TNRC6C: variants seen among roughly 807,000 people sequenced by gnomAD.
TNRC6C encodes trinucleotide repeat-containing gene 6C protein.
A neutral mutation model predicts 153.7 loss-of-function variants in TNRC6C; 20 were observed. The observed-to-expected ratio is 0.13, with a 90% confidence interval of 0.09 to 0.19. The LOEUF (loss-of-function observed/expected upper bound fraction) is 0.19. TNRC6C is among the 10% of genes least tolerant of loss of function. The pLI is 1.00. For synonymous variants in TNRC6C, 811 were observed against 841.4 expected, an observed-to-expected ratio of 0.96 and a Z score of 0.63; for missense variants, 1,987 against 2,172.0, an observed-to-expected ratio of 0.91 and a Z score of 1.69.
rs779525728 is a variant in TNRC6C, at chr17:78,075,281, A to G, written c.3060+3A>G. 6.3e-7 allele frequency: 1 copy of G among 1,582,614 alleles called. No individual in the cohort carries two copies. Among genetic ancestry groups the G allele is most frequent in the East Asian group, 2.3e-5 (1 of 43,380 alleles). On this transcript the variant is annotated splice_donor_region_variant and intron_variant, in intron 8 of 19. Coordinates refer to ENST00000301624, the Ensembl canonical transcript of TNRC6C. The surrounding 1 kb of genome is among the most constrained non-coding windows in gnomAD (Gnocchi z 4.2). ...ACCGCCCCACCTTTCTTGACAAGGT[A>G]TGAATATAGGTGGTTTGTTGTTTTT...
At chr17:77,980,719 G>A (rs993326788) in intron 1 of TNRC6C, among the ~76,000 whole-genome samples, 1 of 152,156 alleles carries the variant, frequency 6.6e-6, no homozygotes, top group African/African-American at 2.4e-5. Flanking sequence ...GCTTCAAGTT[G>A]GGATTCCCAC....
chr17:77,976,850 A>G (rs1190599213), intron 1 of TNRC6C, among the ~76,000 whole-genome samples: 1 of 146,206 alleles, frequency 6.8e-6, no homozygotes, highest in Non-Finnish European at 1.5e-5. Context: ...AATTGCTTGA[A>G]TCCAGGTGGT....
At chr17:77,982,780 G>A (rs374011236) in intron 1 of TNRC6C, among the ~76,000 whole-genome samples, 1 of 152,132 alleles carries the variant, frequency 6.6e-6, no homozygotes, top group African/African-American at 2.4e-5. Flanking sequence ...GCAGTGAGCC[G>A]AGATTGTGCC....
intron 3 of TNRC6C, among the ~76,000 whole-genome samples, chr17:78,058,924 C>A (rs1430704469): frequency 1.3e-5 from 2 of 152,154 alleles, no homozygotes; most frequent in Non-Finnish European, 2.9e-5. Context: ...AAATATAAAA[C>A]CAGAGGTTGT....
chr17:78,077,029 C>A, intron 8 of TNRC6C, 156 bp from the exon 11 acceptor site: 1 of 781,356 alleles, frequency 1.3e-6, no homozygotes, highest in Non-Finnish European at 1.9e-6. Context: ...TTTTTCCCCT[C>A]TTCCTTTTGC....
chr17:78,057,995 A>T (rs1190641591), intron 3 of TNRC6C, among the ~76,000 whole-genome samples: 1 of 152,194 alleles, frequency 6.6e-6, no homozygotes, highest in Non-Finnish European at 1.5e-5. Context: ...GTTCAGGTTC[A>T]TTCTGGAGAT....
At chr17:78,088,368 A>G (rs934745080) in intron 13 of TNRC6C, among the ~76,000 whole-genome samples, 1 of 151,840 alleles carries the variant, frequency 6.6e-6, no homozygotes, top group East Asian at 1.9e-4. Flanking sequence ...CAACTTGCCT[A>G]GCTGCTGTTT....
chr17:78,084,236 C>A (rs1002278108), intron 11 of TNRC6C, among the ~76,000 whole-genome samples: 1 of 149,202 alleles, frequency 6.7e-6, no homozygotes, highest in African/African-American at 2.5e-5. Flanking sequence ...GTGAGCCTCG[C>A]ACCTTTGCAC....
intron 7 of TNRC6C, among the ~76,000 whole-genome samples, chr17:78,073,674 A>G (rs1407049950): frequency 2.0e-5 from 3 of 152,258 alleles, no homozygotes; most frequent in Non-Finnish European, 2.9e-5. Flanking sequence ...CCTAGGAGAC[A>G]TACAGGGTTG....
intron 3 of TNRC6C, among the ~76,000 whole-genome samples, chr17:78,056,089 A>G (rs954101703): frequency 2.0e-5 from 3 of 151,728 alleles, no homozygotes; most frequent in African/African-American, 4.8e-5. Flanking sequence ...GCCTCAAGCC[A>G]TCCTCTCACT....
Position 78,049,725 on chromosome 17 carries a change from C to A in TNRC6C, c.663C>A (p.His221Gln), listed in dbSNP as rs141190761. Residue 221 changes from histidine (H) to glutamine (Q), a missense_variant, in exon 3 of 20, where the codon CAC (histidine) becomes CAA (glutamine). His to Gln is a conservative substitution (Grantham distance 24). This residue lies in a region of TNRC6C where 1,052 missense variants were observed against 1,017.0 expected (regional missense o/e 1.03). Transcript: ENST00000301624. The surrounding 1 kb of genome is among the most constrained non-coding windows in gnomAD (Gnocchi z 4.1). ...GTATGGGGGCCATCATCCCGCCCCA[C>A]CTGCAAGGCCTTCCTGGTGCTAATG... 1 of 1,595,096 alleles carries A rather than the reference C, an allele frequency of 6.3e-7. No homozygotes were observed. Among genetic ancestry groups the A allele is most frequent in the Non-Finnish European group, 8.6e-7 (1 of 1,169,036 alleles).
Position 78,029,131 on chromosome 17 carries a change from A to T in TNRC6C, c.-545-2385A>T, listed in dbSNP as rs138828694. ...CTTAATGCAAATTCATTATTCGCAC[A>T]GTAGGCCCAACTGCATTCTTTCCCA... On this transcript the variant is annotated intron_variant, in intron 1 of 19. Coordinates refer to ENST00000301624, the Ensembl canonical transcript of TNRC6C. Among the ~76,000 whole-genome samples, 128 of 152,354 alleles carry T rather than the reference A, an allele frequency of 8.4e-4. 1 individual carries two copies. Among genetic ancestry groups the T allele is most frequent in the Admixed American group, 7.1e-3 (109 of 15,308 alleles).
At chr17:78,024,988 T>A (rs932683115) in intron 1 of TNRC6C, among the ~76,000 whole-genome samples, 13 of 151,770 alleles carry the variant, frequency 8.6e-5, no homozygotes, top group African/African-American at 3.2e-4. Context: ...GAGACGGGGT[T>A]TCACCATGTT....
chr17:77,974,094 A>G (rs1217667338), intron 1 of TNRC6C, among the ~76,000 whole-genome samples: 2 of 152,056 alleles, frequency 1.3e-5, no homozygotes. Context: ...AAGAAAAAGA[A>G]TGGAGGTAAA....
chr17:77,959,330 C>T (rs1335919722), intron 1 of TNRC6C, 62 bp downstream of exon 1: 1 of 151,964 alleles, frequency 6.6e-6, no homozygotes, highest in Non-Finnish European at 1.5e-5. Flanking sequence ...GGTTCGCGGG[C>T]CCTTTGTTCG....
At chr17:78,064,410 A>G (rs2072831292) in intron 3 of TNRC6C, among the ~76,000 whole-genome samples, 1 of 152,186 alleles carries the variant, frequency 6.6e-6, no homozygotes, top group Non-Finnish European at 1.5e-5. Context: ...AAGCCAAACA[A>G]GCCATGTGCA....
At chr17:78,046,181 G>A (rs2072405352) in intron 2 of TNRC6C, among the ~76,000 whole-genome samples, 1 of 150,874 alleles carries the variant, frequency 6.6e-6, no homozygotes, top group South Asian at 2.1e-4. Context: ...CGATTTTTAG[G>A]ATTCTTTTTT....
At chr17:77,974,058 A>AG (rs749892622) in intron 1 of TNRC6C, among the ~76,000 whole-genome samples, 2 of 80,160 alleles carry the variant, frequency 2.5e-5, no homozygotes, top group Non-Finnish European at 4.9e-5. Flanking sequence ...AGGGAGGGGG[A>AG]GGGGGGAGAG....
At chr17:77,962,673 G>A (rs2070870787) in intron 1 of TNRC6C, among the ~76,000 whole-genome samples, 1 of 152,176 alleles carries the variant, frequency 6.6e-6, no homozygotes, top group South Asian at 2.1e-4. Flanking sequence ...CTTTATGTTT[G>A]TTTTGTTTTT....
Sources: gnomAD v4.1 joint callset for allele counts (sites outside exome capture counted in the v4.1 genomes callset) on GRCh38, gnomAD v4.1.1 for gene constraint, gnomAD v4.1.1 regional missense constraint, Gnocchi (gnomAD v3.1) non-coding constraint, MANE v1.5 for transcripts, NCBI Gene and HGNC (gene_info 2026-07-23, HGNC 2026-07-21) for gene names.